SYT16: variants seen among roughly 807,000 people sequenced by gnomAD.
The protein encoded by SYT16 is synaptotagmin-16.
In SYT16, 42 loss-of-function variants were observed where a neutral mutation model predicts 61.4. That is an observed-to-expected ratio of 0.68 (90% CI 0.53 to 0.89). The LOEUF (loss-of-function observed/expected upper bound fraction) is 0.89, where lower values mean the gene tolerates loss of function less well. Among genes scored for constraint, SYT16 ranks in the 40% least tolerant of loss-of-function variants. The probability of loss-of-function intolerance (pLI) is 0.00; values close to 1 mark genes in which losing one functional copy is unlikely to be tolerated. For synonymous variants in SYT16, 314 were observed against 302.3 expected (o/e 1.04, Z -0.40); for missense variants, 804 against 807.3 (o/e 1.00, Z 0.05).
At chr14:61,884,341 A>C (rs1387593727) in intron 1 of SYT16, among the ~76,000 whole-genome samples, 1 of 152,226 alleles carries the variant, frequency 6.6e-6, no homozygotes, top group African/African-American at 2.4e-5. Context: ...TCCTTTATTA[A>C]TATTAAAGAT....
chr14:61,833,990 T>TA (rs397969990), intron 1 of SYT16, among the ~76,000 whole-genome samples: 6 of 148,492 alleles, frequency 4.0e-5, no homozygotes, highest in African/African-American at 7.6e-5. Context: ...TTTTTTTTTT[T>TA]AAATTTTGGA....
chr14:61,867,559 G>C (rs2047198750), intron 1 of SYT16, among the ~76,000 whole-genome samples: 1 of 151,848 alleles, frequency 6.6e-6, no homozygotes, highest in African/African-American at 2.4e-5. Flanking sequence ...CAAGATGCAA[G>C]GGAAAATATA....
At chr14:61,936,647 C>A (rs1198491692) in intron 1 of SYT16, among the ~76,000 whole-genome samples, 1 of 152,100 alleles carries the variant, frequency 6.6e-6, no homozygotes, top group Non-Finnish European at 1.5e-5. Flanking sequence ...CTTCATTTTC[C>A]ACATCCCCCG....
chr14:62,092,173 AACACACACACACAC>A (rs56324432), intron 7 of SYT16, among the ~76,000 whole-genome samples: 4,010 of 131,374 alleles, frequency 0.031, 192 homozygotes, highest in African/African-American at 0.1. Context: ...TGGCTACTAT[AACACACACACACAC>A]ACACACACAC....
chr14:62,094,198 TTAAA>T (rs2057187775), intron 7 of SYT16, among the ~76,000 whole-genome samples: 1 of 152,158 alleles, frequency 6.6e-6, no homozygotes, highest in African/African-American at 2.4e-5. Context: ...TTGACCTGAA[TTAAA>T]TGTCACATTA....
intron 1 of SYT16, among the ~76,000 whole-genome samples, chr14:61,936,493 G>A (rs1483744483): frequency 2.0e-5 from 3 of 151,996 alleles, no homozygotes; most frequent in East Asian, 3.9e-4. Flanking sequence ...AATCATCAGT[G>A]GTAACGTCAC....
intron 1 of SYT16, among the ~76,000 whole-genome samples, chr14:61,901,781 T>A (rs528725539): frequency 6.1e-5 from 9 of 146,646 alleles, no homozygotes; most frequent in South Asian, 2.1e-4. Context: ...TATTATTATT[T>A]TTTGGAGTCT....
At chr14:61,997,169 T>C (rs1321879611) in intron 3 of SYT16, among the ~76,000 whole-genome samples, 1 of 152,074 alleles carries the variant, frequency 6.6e-6, no homozygotes, top group Admixed American at 6.6e-5. Flanking sequence ...ATGATAAAAA[T>C]GTAATTAACT....
At chr14:62,011,896 CACACACACATATATAT>C (rs1203700776) in intron 3 of SYT16, among the ~76,000 whole-genome samples, 7 of 129,636 alleles carry the variant, frequency 5.4e-5, no homozygotes, top group Non-Finnish European at 9.3e-5. Context: ...CACACACACA[CACACACACATATATAT>C]ACACACACAC....
chr14:62,018,650 A>G (rs182060314), intron 3 of SYT16, among the ~76,000 whole-genome samples: 369 of 152,198 alleles, frequency 2.4e-3, no homozygotes, highest in Middle Eastern at 0.02. Context: ...CTTTTGCACT[A>G]GCTGTTTCCC....
intron 1 of SYT16, among the ~76,000 whole-genome samples, chr14:61,856,491 A>G (rs568231933): frequency 6.6e-6 from 1 of 152,358 alleles, no homozygotes; most frequent in East Asian, 1.9e-4. Flanking sequence ...CTGAAGTATG[A>G]GAGATACTGA....
intron 1 of SYT16, among the ~76,000 whole-genome samples, chr14:61,846,375 C>T (rs1594749708): frequency 6.6e-6 from 1 of 152,084 alleles, no homozygotes; most frequent in East Asian, 1.9e-4. Flanking sequence ...GTTGTTATAT[C>T]CTCCTGCTGA....
chr14:62,037,915 C>A (rs933597636), intron 3 of SYT16, among the ~76,000 whole-genome samples: 1 of 152,158 alleles, frequency 6.6e-6, no homozygotes, highest in African/African-American at 2.4e-5. Flanking sequence ...ATGTTGGTAA[C>A]CTGTAGCCAG....
chr14:61,910,364 G>A (rs928925903), intron 1 of SYT16, among the ~76,000 whole-genome samples: 4 of 151,746 alleles, frequency 2.6e-5, no homozygotes, highest in Admixed American at 2.6e-4. Context: ...TCAGCCTCCC[G>A]AGTAGCTGAG....
intron 1 of SYT16, among the ~76,000 whole-genome samples, chr14:61,904,943 A>C (rs2048649016): frequency 6.6e-6 from 1 of 152,092 alleles, no homozygotes; most frequent in Non-Finnish European, 1.5e-5. Flanking sequence ...CACTCAAAGG[A>C]GGTGAAGGAA....
chr14:62,046,847 G>T (rs1335944523), intron 3 of SYT16, among the ~76,000 whole-genome samples: 1 of 152,134 alleles, frequency 6.6e-6, no homozygotes, highest in Admixed American at 6.5e-5. Flanking sequence ...TGCTGTTTTG[G>T]TTACTGTAGC....
intron 7 of SYT16, among the ~76,000 whole-genome samples, chr14:62,087,329 G>T (rs2056919641): frequency 1.3e-5 from 2 of 150,818 alleles, no homozygotes; most frequent in African/African-American, 5.0e-5. Flanking sequence ...ACGGCAGAGG[G>T]AGAGCCGGCG....
intron 3 of SYT16, among the ~76,000 whole-genome samples, chr14:62,040,983 A>T (rs544478726): frequency 6.6e-6 from 1 of 152,172 alleles, no homozygotes; most frequent in Non-Finnish European, 1.5e-5. Context: ...CACACAATCA[A>T]TGGGTCCCAC....
At chr14:61,966,063 T>G (rs2140514121) in intron 1 of SYT16, among the ~76,000 whole-genome samples, 1 of 151,326 alleles carries the variant, frequency 6.6e-6, no homozygotes, top group East Asian at 1.9e-4. Flanking sequence ...TGTATAGTTT[T>G]GGGAAGAAAA....
Sources: gnomAD v4.1 joint callset for allele counts (sites outside exome capture counted in the v4.1 genomes callset) on GRCh38, gnomAD v4.1.1 for gene constraint, MANE v1.5 for transcripts, NCBI Gene and HGNC (gene_info 2026-07-23, HGNC 2026-07-21) for gene names.